The following STRN variants were observed in gnomAD, a reference collection of about 807,000 sequenced individuals.
The protein encoded by STRN is protein phosphatase 2 regulatory subunit B'''alpha.
STRN carries 53 observed loss-of-function variants against 96.3 expected under a neutral mutation model. The observed-to-expected ratio is 0.55, with a 90% CI of 0.44 to 0.69. The LOEUF (loss-of-function observed/expected upper bound fraction) is 0.69, where lower values mean the gene tolerates loss of function less well. STRN is among the 30% of genes least tolerant of loss of function. The pLI is 0.00. For missense variants in STRN, 987 were observed against 963.9 expected, an observed-to-expected ratio of 1.02 and a Z score of -0.32; for synonymous variants, 428 against 355.9, an observed-to-expected ratio of 1.20 and a Z score of -2.28.
At chr2:36,906,335 T>C (rs1669818639) in intron 3 of STRN, among the ~76,000 whole-genome samples, 1 of 151,924 alleles carries the variant, frequency 6.6e-6, no homozygotes, top group South Asian at 2.1e-4. Flanking sequence ...GGCACGCAGC[T>C]GTGGTCCCAG....
Position 36,905,558 on chromosome 2 carries a change from C to A in STRN, c.473G>T (p.Gly158Val). Reference protein sequence around the residue: ...QQNSQLMWKQGRQLLRQYLQE... With the variant: ...QQNSQLMWKQVRQLLRQYLQE... ...CACTTACTGTCTGAGTAGTTGTCGA[C>A]CTTGTTTCCACATTAACTGGCTGTT... is the stretch of plus-strand genomic sequence containing the variant. Residue 158 changes from glycine (G) to valine (V), a missense_variant, in exon 4 of 18, where the codon GGT becomes GTT. Transcript: ENST00000263918. The A allele has an allele frequency of 6.2e-7, 1 of 1,613,760 alleles. No individual in the cohort carries two copies. The highest frequency in any genetic ancestry group is 8.5e-7 in the Non-Finnish European group (1 of 1,179,860).
At chr2:36,894,951 T>TC (rs1669499658) in intron 6 of STRN, among the ~76,000 whole-genome samples, 1 of 152,022 alleles carries the variant, frequency 6.6e-6, no homozygotes, top group Admixed American at 6.6e-5. Context: ...AGTACAGCAC[T>TC]CCAAGAAGCC....
At position 36,843,996 on chromosome 2, in the gene STRN, C is replaced by G. The variant is rs989840177; in HGVS notation, c.*5460G>C. On this transcript the variant is annotated 3_prime_UTR_variant, in exon 18 of 18. Transcript: ENST00000263918. ...GAAGATCAAACAATCTGGCCCAGGGCTCACCAGCTGGAGGACTGGGTGTGG... is the reference window on the plus strand; with the variant it reads ...GAAGATCAAACAATCTGGCCCAGGGGTCACCAGCTGGAGGACTGGGTGTGG... 3.3e-5 allele frequency: 5 copies of G among 152,136 alleles called. No individual in the cohort carries two copies. Among genetic ancestry groups the G allele is most frequent in the African/African-American group, 7.2e-5 (3 of 41,434 alleles). The allele number at this position is 152,136 out of a possible 1,614,324, so 9.4% of individuals were successfully genotyped here.
chr2:36,936,387 G>C (rs1363696555), intron 1 of STRN, among the ~76,000 whole-genome samples: 1 of 152,118 alleles, frequency 6.6e-6, no homozygotes, highest in Non-Finnish European at 1.5e-5. Flanking sequence ...ATGATAAATG[G>C]TGCATAATTT....
In STRN at chr2:36,849,243, C is replaced by CTCA; in HGVS notation, c.*210_*212dup. ...GGAGAAATTTGAAACAGACCTCAGGCTCACAGATTCAGCTGAGCTTGCAGC... is the reference window on the plus strand; with the variant it reads ...GGAGAAATTTGAAACAGACCTCAGGCTCATCACAGATTCAGCTGAGCTTGCAGC... On this transcript the variant is annotated 3_prime_UTR_variant, in exon 18 of 18. Coordinates refer to ENST00000263918, the MANE Select transcript of STRN (RefSeq NM_003162.4). The CTCA allele has an allele frequency of 1.8e-6, 1 of 557,308 alleles. No homozygotes were observed. Among genetic ancestry groups the CTCA allele is most frequent in the Non-Finnish European group, 3.1e-6 (1 of 325,020 alleles). 34.5% of individuals were successfully genotyped at this position (557,308 alleles called of 1,614,324 possible).
At position 36,857,875 on chromosome 2, in the gene STRN, A is replaced by G. The variant is rs1435550663; in HGVS notation, c.1818T>C (p.Ser606=). Residue 606 remains serine, a synonymous_variant, in exon 14 of 18, where the codon AGT becomes AGC. Coordinates refer to ENST00000263918, the MANE Select transcript of STRN (RefSeq NM_003162.4). Reference sequence around the variant, plus strand: ...ATGTACCTTTAGTATCATTAAATACACTTAGTGCTGGAGCAACCTCAGTTG... The same window carrying G: ...ATGTACCTTTAGTATCATTAAATACGCTTAGTGCTGGAGCAACCTCAGTTG... The part of the protein sequence containing the change: ...WNTTEVAPAL[S]VFNDTKELGI... 4.3e-6 allele frequency: 7 copies of G among 1,613,922 alleles called. No homozygotes were observed. The Admixed American group carries it at 1.2e-4, about 27-fold the overall frequency.
chr2:36,918,521 G>A (rs1315913851), intron 2 of STRN, among the ~76,000 whole-genome samples: 1 of 151,616 alleles, frequency 6.6e-6, no homozygotes, highest in African/African-American at 2.4e-5. Flanking sequence ...GCATTCTAGT[G>A]GTCTCAGGAA....
At position 36,962,256 on chromosome 2, in the gene STRN, T is replaced by C. The variant is rs200976668; in HGVS notation, c.234+3974A>G. Among the ~76,000 whole-genome samples, 4 of 152,270 alleles carry C rather than the reference T, an allele frequency of 2.6e-5. No individual in the cohort carries two copies. The East Asian group carries it at 5.8e-4, about 22-fold the overall frequency. ...AGTTATTAATGCCAAAACTCTAGCA[T>C]ACAGCCTCCACACCACATGCCCTAA... On this transcript the variant is annotated intron_variant, in intron 1 of 17. Coordinates refer to ENST00000263918, the MANE Select transcript of STRN (RefSeq NM_003162.4).
intron 2 of STRN, among the ~76,000 whole-genome samples, chr2:36,920,529 T>C (rs921328027): frequency 3.3e-5 from 5 of 150,530 alleles, no homozygotes; most frequent in African/African-American, 1.2e-4. Flanking sequence ...TCCCAGCTAC[T>C]GGGGAGGCTG....
chr2:36,873,024 T>C (rs1270885242), intron 10 of STRN, among the ~76,000 whole-genome samples: 4 of 150,706 alleles, frequency 2.7e-5, no homozygotes, highest in South Asian at 2.1e-4. Flanking sequence ...ATTTGAAGTG[T>C]CATGGGGATA....
chr2:36,895,520 G>C (rs1319189514), intron 6 of STRN, among the ~76,000 whole-genome samples: 1 of 152,056 alleles, frequency 6.6e-6, no homozygotes, highest in Admixed American at 6.5e-5. Flanking sequence ...GGCAGACTGG[G>C]AACAGAAAAC....
At chr2:36,883,194 C>T (rs1010548886) in intron 9 of STRN, among the ~76,000 whole-genome samples, 2 of 152,126 alleles carry the variant, frequency 1.3e-5, no homozygotes, top group African/African-American at 4.8e-5. Context: ...GTGGCTCATG[C>T]CTGTAATCCC....
At chr2:36,923,380 G>C (rs1280624748) in intron 2 of STRN, among the ~76,000 whole-genome samples, 1 of 150,184 alleles carries the variant, frequency 6.7e-6, no homozygotes, top group East Asian at 2.0e-4. Context: ...GAGCCCAGAA[G>C]GCGGAGGTTG....
chr2:36,960,895 T>C (rs1665012495), intron 1 of STRN, among the ~76,000 whole-genome samples: 1 of 151,982 alleles, frequency 6.6e-6, no homozygotes, highest in African/African-American at 2.4e-5. Flanking sequence ...GTTTGTTTGT[T>C]TGTTTGATTG....
At chr2:36,852,544 TTATACACA>T (rs1024515019) in intron 15 of STRN, among the ~76,000 whole-genome samples, 26 of 152,124 alleles carry the variant, frequency 1.7e-4, no homozygotes, top group Non-Finnish European at 2.9e-4. Flanking sequence ...GAATTAAAAA[TTATACACA>T]TATATAGAGT....
chr2:36,883,806 G>C (rs778303016), intron 9 of STRN, 126 bp downstream of exon 9: 3 of 951,846 alleles, frequency 3.2e-6, no homozygotes, highest in Non-Finnish European at 4.2e-6. Flanking sequence ...TGCATTTGGG[G>C]AAAACTATGC....
intron 9 of STRN, 118 bp from the exon 10 acceptor site, chr2:36,878,145 T>A: frequency 6.4e-6 from 7 of 1,095,764 alleles, no homozygotes; most frequent in Non-Finnish European, 9.0e-6. Flanking sequence ...TTTTAAATGC[T>A]TTTAAACACA....
Position 36,869,553 on chromosome 2 carries a change from CT to C in STRN, c.1499del (p.Lys500ArgfsTer7). 6.5e-7 allele frequency: 1 copy of C among 1,528,638 alleles called. No homozygotes were observed. Among genetic ancestry groups the C allele is most frequent in the South Asian group, 1.3e-5 (1 of 77,822 alleles). The allele number at this position is 1,528,638 out of a possible 1,614,324, so 94.7% of individuals were successfully genotyped here. ...ATAATGTTAAAGTAGAATATTCTCACTTTTTGGCTGGGGCTGTTTTCTGTAA... is the reference window on the plus strand; with the variant it reads ...ATAATGTTAAAGTAGAATATTCTCACTTTTGGCTGGGGCTGTTTTCTGTAA... ...WNLQKTAPAK[K>X]STSLDVEPIY... On this transcript the variant is annotated frameshift_variant and splice_region_variant, in exon 11 of 18. Transcript: ENST00000263918. LOFTEE classifies it high-confidence loss of function.
At chr2:36,912,266 A>G (rs980396826) in intron 3 of STRN, among the ~76,000 whole-genome samples, 1 of 152,150 alleles carries the variant, frequency 6.6e-6, no homozygotes, top group African/African-American at 2.4e-5. Context: ...GCGCGCACAC[A>G]CACACTTTCC....
Sources: gnomAD v4.1 joint callset for allele counts (sites outside exome capture counted in the v4.1 genomes callset) on GRCh38, gnomAD v4.1.1 for gene constraint, MANE v1.5 for transcripts, NCBI Gene and HGNC (gene_info 2026-07-23, HGNC 2026-07-21) for gene names.